The following SPAG16 variants were observed in gnomAD, a reference collection of about 807,000 sequenced individuals.
The protein encoded by SPAG16 is sperm associated antigen 16.
SPAG16 carries 86 observed loss-of-function variants against 80.4 expected under a neutral mutation model. The ratio of observed to expected loss-of-function variants is 1.07; its 90% CI spans 0.90 to 1.28. The LOEUF is 1.28. Among genes scored for constraint, SPAG16 ranks in the 50% most tolerant of loss-of-function variants. The pLI, the probability that SPAG16 is intolerant of heterozygous loss-of-function variation, is 0.00. For synonymous variants in SPAG16, 294 were observed against 265.9 expected, an observed-to-expected ratio of 1.11 and a Z score of -1.03; for missense variants, 870 against 765.3, an observed-to-expected ratio of 1.14 and a Z score of -1.61.
chr2:214,059,068 T>A (rs2050093103), intron 13 of SPAG16, among the ~76,000 whole-genome samples: 1 of 151,358 alleles, frequency 6.6e-6, no homozygotes, highest in Non-Finnish European at 1.5e-5. Flanking sequence ...AATATCTTGC[T>A]CGGGAGGCTG....
At chr2:213,785,226 A>G (rs193126800) in intron 10 of SPAG16, among the ~76,000 whole-genome samples, 362 of 152,302 alleles carry the variant, frequency 2.4e-3, no homozygotes, top group Admixed American at 3.9e-3. Context: ...TTTTGAATTC[A>G]TAAGTTAAAT....
intron 15 of SPAG16, among the ~76,000 whole-genome samples, chr2:214,276,747 G>A (rs1692494936): frequency 6.6e-6 from 1 of 152,024 alleles, no homozygotes; most frequent in Admixed American, 6.6e-5. Flanking sequence ...TTGAACCTTG[G>A]TGAATCTGAC....
intron 13 of SPAG16, among the ~76,000 whole-genome samples, chr2:214,067,350 T>C (rs1460277187): frequency 6.6e-6 from 1 of 152,192 alleles, no homozygotes; most frequent in Non-Finnish European, 1.5e-5. Context: ...TATCAAACAT[T>C]GTGTAGCACA....
At chr2:214,287,420 G>C (rs1214502612) in intron 15 of SPAG16, among the ~76,000 whole-genome samples, 1 of 152,182 alleles carries the variant, frequency 6.6e-6, no homozygotes, top group Admixed American at 6.5e-5. Flanking sequence ...CATTTTTAAA[G>C]AGTGGTGCTC....
At chr2:213,811,558 C>G (rs1486987948) in intron 10 of SPAG16, among the ~76,000 whole-genome samples, 1 of 151,994 alleles carries the variant, frequency 6.6e-6, no homozygotes, top group Non-Finnish European at 1.5e-5. Context: ...TATTCCTCAC[C>G]ATGTTTCTTC....
At chr2:213,986,307 G>T (rs1172431592) in intron 12 of SPAG16, among the ~76,000 whole-genome samples, 1 of 151,902 alleles carries the variant, frequency 6.6e-6, no homozygotes, top group African/African-American at 2.4e-5. Context: ...AGATTGGCTG[G>T]ACTATATTTT....
At chr2:213,319,288 A>T (rs926583663) in intron 5 of SPAG16, among the ~76,000 whole-genome samples, 3 of 151,968 alleles carry the variant, frequency 2.0e-5, no homozygotes, top group African/African-American at 7.2e-5. Flanking sequence ...ATGCCTTTTC[A>T]TTGAGAAGTA....
intron 15 of SPAG16, among the ~76,000 whole-genome samples, chr2:214,269,019 C>T (rs1196907258): frequency 1.3e-5 from 2 of 151,922 alleles, no homozygotes; most frequent in South Asian, 2.1e-4. Flanking sequence ...ATGTTAGAAA[C>T]ACAATAATCA....
At chr2:213,896,782 G>A (rs1346331840) in intron 11 of SPAG16, among the ~76,000 whole-genome samples, 1 of 151,962 alleles carries the variant, frequency 6.6e-6, no homozygotes, top group East Asian at 1.9e-4. Context: ...AGTGAAATAA[G>A]CCTGGTACAT....
intron 11 of SPAG16, among the ~76,000 whole-genome samples, chr2:213,917,366 G>C (rs1243248628): frequency 6.6e-6 from 1 of 152,212 alleles, no homozygotes; most frequent in Non-Finnish European, 1.5e-5. Flanking sequence ...GCTTTGGGCA[G>C]TATGGCCATT....
intron 12 of SPAG16, among the ~76,000 whole-genome samples, chr2:213,985,017 A>T (rs563264667): frequency 7.9e-5 from 12 of 152,226 alleles, no homozygotes; most frequent in African/African-American, 2.9e-4. Context: ...GGTAAGTTTA[A>T]GCATGTCTTA....
At chr2:213,772,069 T>C (rs1366457291) in intron 10 of SPAG16, among the ~76,000 whole-genome samples, 7 of 152,240 alleles carry the variant, frequency 4.6e-5, no homozygotes, top group Non-Finnish European at 7.3e-5. Context: ...ACATTGATTC[T>C]TCCTGTCTGA....
intron 9 of SPAG16, among the ~76,000 whole-genome samples, chr2:213,414,758 T>C (rs776013889): frequency 3.3e-5 from 5 of 152,256 alleles, no homozygotes; most frequent in Admixed American, 6.5e-5. Flanking sequence ...TAATAACCGC[T>C]GATAAACTAT....
chr2:214,117,878 A>G (rs1252666551), intron 14 of SPAG16, among the ~76,000 whole-genome samples: 1 of 152,198 alleles, frequency 6.6e-6, no homozygotes, highest in Non-Finnish European at 1.5e-5. Context: ...GCCATATATG[A>G]GAAACCTACA....
intron 12 of SPAG16, among the ~76,000 whole-genome samples, chr2:214,006,812 C>T (rs548278459): frequency 3.3e-5 from 5 of 152,188 alleles, no homozygotes; most frequent in African/African-American, 4.8e-5. Flanking sequence ...ACACCTTAAG[C>T]CAGTGACTCA....
intron 9 of SPAG16, among the ~76,000 whole-genome samples, chr2:213,425,880 C>A (rs77219704): frequency 6.6e-6 from 1 of 152,166 alleles, no homozygotes; most frequent in Non-Finnish European, 1.5e-5. Flanking sequence ...AAACAGGGCT[C>A]CATGGAGTAA....
chr2:213,387,906 C>A (rs917121353), intron 9 of SPAG16, among the ~76,000 whole-genome samples: 2 of 152,032 alleles, frequency 1.3e-5, no homozygotes, highest in East Asian at 1.9e-4. Context: ...AGTAAGAAAA[C>A]ATAGAAGGGA....
At chr2:213,888,327 T>G (rs1452484560) in intron 11 of SPAG16, among the ~76,000 whole-genome samples, 1 of 151,832 alleles carries the variant, frequency 6.6e-6, no homozygotes, top group Admixed American at 6.6e-5. Flanking sequence ...CATTCAGAGA[T>G]TTACTTAGAA....
chr2:213,972,474 G>A (rs1216529635), intron 12 of SPAG16, among the ~76,000 whole-genome samples: 3 of 152,246 alleles, frequency 2.0e-5, no homozygotes, highest in South Asian at 4.1e-4. Context: ...TGCAGGAGAA[G>A]GTGGATGTCC....
Sources: gnomAD v4.1 joint callset for allele counts (sites outside exome capture counted in the v4.1 genomes callset) on GRCh38, gnomAD v4.1.1 for gene constraint, MANE v1.5 for transcripts, NCBI Gene and HGNC (gene_info 2026-07-23, HGNC 2026-07-21) for gene names.